PLEKHG7: variants seen among roughly 807,000 people sequenced by gnomAD.
PLEKHG7 encodes pleckstrin homology and RhoGEF domain containing G7.
A neutral mutation model predicts 85.2 loss-of-function variants in PLEKHG7; 77 were observed. The ratio of observed to expected loss-of-function variants is 0.90; its 90% CI spans 0.75 to 1.09. The LOEUF is 1.09. Ranked by LOEUF, PLEKHG7 falls within the 50% of genes least tolerant of loss-of-function variation. The probability of loss-of-function intolerance (pLI) is 0.00; values close to 1 mark genes in which losing one functional copy is unlikely to be tolerated. For missense variants in PLEKHG7, 777 were observed against 804.3 expected, an observed-to-expected ratio of 0.97 and a Z score of 0.41; for synonymous variants, 301 against 302.4, an observed-to-expected ratio of 1.00 and a Z score of 0.05.
intron 5 of PLEKHG7, 69 bp from the exon 6 acceptor site, chr12:92,736,413 A>G: frequency 1.0e-6 from 1 of 968,536 alleles, no homozygotes. Flanking sequence ...GAAAGATGCC[A>G]AGGCTACCGA....
chr12:92,749,179 C>T (rs1872618363), intron 10 of PLEKHG7, among the ~76,000 whole-genome samples: 1 of 152,158 alleles, frequency 6.6e-6, no homozygotes, highest in African/African-American at 2.4e-5. Context: ...GATAAATTTA[C>T]CCTCCACACC....
chr12:92,713,071 G>A (rs1057319403), intron 3 of PLEKHG7, among the ~76,000 whole-genome samples: 1 of 152,218 alleles, frequency 6.6e-6, no homozygotes. Flanking sequence ...TCACGGCATA[G>A]TGAATTGAGA....
chr12:92,743,091 G>A (rs1236621435), intron 9 of PLEKHG7, among the ~76,000 whole-genome samples: 7 of 152,052 alleles, frequency 4.6e-5, no homozygotes, highest in African/African-American at 1.4e-4. Flanking sequence ...GTTGTGCCAC[G>A]GTAGCAAATG....
At chr12:92,713,950 C>T (rs1307593758) in intron 3 of PLEKHG7, among the ~76,000 whole-genome samples, 1 of 152,198 alleles carries the variant, frequency 6.6e-6, no homozygotes, top group Non-Finnish European at 1.5e-5. Flanking sequence ...ACTCTATGTT[C>T]CTTCCACCAT....
chr12:92,748,724 G>A (rs930405548), intron 10 of PLEKHG7, among the ~76,000 whole-genome samples: 1 of 152,152 alleles, frequency 6.6e-6, no homozygotes, highest in African/African-American at 2.4e-5. Flanking sequence ...AAGAACCATA[G>A]CAAGATTTTC....
intron 1 of PLEKHG7, among the ~76,000 whole-genome samples, chr12:92,704,514 G>T (rs141169842): frequency 9.3e-4 from 141 of 152,260 alleles, no homozygotes; most frequent in African/African-American, 3.2e-3. Context: ...TCCTAAACTG[G>T]CATTGCCCTC....
At chr12:92,723,609 G>T (rs1450968606) in intron 3 of PLEKHG7, among the ~76,000 whole-genome samples, 1 of 152,086 alleles carries the variant, frequency 6.6e-6, no homozygotes, top group Admixed American at 6.6e-5. Flanking sequence ...GATTAATTTA[G>T]CCCATCCTCA....
chr12:92,737,275 G>A (rs532489993), intron 6 of PLEKHG7, 103 bp from the exon 7 acceptor site: 22 of 1,027,146 alleles, frequency 2.1e-5, no homozygotes, highest in East Asian at 3.2e-5. Flanking sequence ...TCATGATTTC[G>A]GGGGTTGCTT....
intron 16 of PLEKHG7, among the ~76,000 whole-genome samples, chr12:92,769,335 G>A (rs546876854): frequency 2.2e-4 from 34 of 152,084 alleles, no homozygotes; most frequent in Admixed American, 4.6e-4. Flanking sequence ...ATTTCCTCAC[G>A]CTTGCAGAGT....
chr12:92,721,574 G>T, intron 3 of PLEKHG7: 3 of 1,075,470 alleles, frequency 2.8e-6, no homozygotes, highest in South Asian at 9.5e-5. Context: ...GGTGGGGGTG[G>T]GGAAAGCCAG....
chr12:92,753,705 A>C (rs148123928), intron 10 of PLEKHG7, among the ~76,000 whole-genome samples: 25 of 152,316 alleles, frequency 1.6e-4, no homozygotes, highest in African/African-American at 6.0e-4. Context: ...ACAAGCAAGA[A>C]TCCTTCCTTT....
intron 3 of PLEKHG7, among the ~76,000 whole-genome samples, chr12:92,726,201 G>GT (rs1333893923): frequency 6.6e-6 from 1 of 152,160 alleles, no homozygotes; most frequent in Non-Finnish European, 1.5e-5. Flanking sequence ...GCAGAGCCTG[G>GT]TAGGACTTGA....
At position 92,761,642 on chromosome 12, in the gene PLEKHG7, GAAA is replaced by G. The variant is rs755092425; in HGVS notation, c.1637-109_1637-107del. 4,552 of 779,006 alleles carry G rather than the reference GAAA, an allele frequency of 5.8e-3. 60 individuals are homozygous for G. The highest frequency in any genetic ancestry group is 0.024 in the African/African-American group (985 of 41,628). 48.3% of individuals were successfully genotyped at this position (779,006 alleles called of 1,614,324 possible). A position where few individuals can be genotyped will look rare whatever the true frequency, so the allele number is the denominator to read the frequency against. On this transcript the variant is annotated intron_variant, in intron 13 of 16. Transcript: ENST00000344636. ...AAGAAAGAAGAAAGAAAGAAAGAAA[GAAA>G]GAAAGAAAGAAAGAAAGAAAGAAAG...
chr12:92,710,729 C>G (rs1169700628), intron 3 of PLEKHG7, among the ~76,000 whole-genome samples: 1 of 152,178 alleles, frequency 6.6e-6, no homozygotes, highest in Non-Finnish European at 1.5e-5. Context: ...GCCAGGTCAG[C>G]CTTGGTGAGT....
chr12:92,754,306 C>G (rs761463944), intron 11 of PLEKHG7, 42 bp downstream of exon 11: 1 of 1,580,660 alleles, frequency 6.3e-7, no homozygotes, highest in South Asian at 1.1e-5. Flanking sequence ...AGAATTGTGG[C>G]CTTGTGACTC....
chr12:92,728,475 C>T (rs1299803658), intron 3 of PLEKHG7, among the ~76,000 whole-genome samples: 26 of 149,816 alleles, frequency 1.7e-4, no homozygotes, highest in African/African-American at 5.7e-4. Flanking sequence ...TATATATACA[C>T]ACCACATTCC....
intron 3 of PLEKHG7, chr12:92,707,884 A>G (rs1871284484): frequency 1.4e-6 from 1 of 703,152 alleles, no homozygotes; most frequent in East Asian, 2.8e-5. Flanking sequence ...GCAGGATACA[A>G]TGCCATATGC....
chr12:92,726,340 A>G (rs974336742), intron 3 of PLEKHG7, among the ~76,000 whole-genome samples: 4 of 152,222 alleles, frequency 2.6e-5, no homozygotes, highest in Admixed American at 6.5e-5. Context: ...CACCCTATCC[A>G]AAAGGGTGTG....
intron 6 of PLEKHG7, 69 bp downstream of exon 6, chr12:92,736,646 C>A: frequency 2.0e-6 from 2 of 988,996 alleles, no homozygotes; most frequent in South Asian, 5.2e-5. Context: ...TGGGGAAGGT[C>A]GGGTCAGTAT....
Sources: allele counts gnomAD v4.1 joint callset (sites outside exome capture counted in the v4.1 genomes callset), GRCh38; gene constraint gnomAD v4.1.1; transcripts MANE v1.5; gene names NCBI Gene and HGNC (gene_info 2026-07-23, HGNC 2026-07-21).